Variants in ABTB3 observed in about 807,000 individuals in gnomAD.
ABTB3 encodes the protein ankyrin repeat and BTB domain containing 3.
chr12:107,364,118 C>T, the ABTB3 span, among the ~76,000 whole-genome samples: 4 of 152,190 alleles, frequency 2.6e-5, no homozygotes, highest in East Asian at 7.7e-4. Flanking sequence ...ATGCAGATTC[C>T]TTTGAAGGGC....
chr12:107,636,577 A>G, the ABTB3 span, among the ~76,000 whole-genome samples: 1 of 152,224 alleles, frequency 6.6e-6, no homozygotes, highest in African/African-American at 2.4e-5. Context: ...ATCTTGAATA[A>G]CTTGTTAATT....
chr12:107,620,296 G>A, the ABTB3 span: 1 of 1,227,200 alleles, frequency 8.1e-7, no homozygotes, highest in Non-Finnish European at 1.1e-6. Context: ...AGTGGCGAAT[G>A]TAGCCCAGCA....
the ABTB3 span, among the ~76,000 whole-genome samples, chr12:107,548,420 C>G: frequency 6.6e-6 from 1 of 152,222 alleles, no homozygotes; most frequent in African/African-American, 2.4e-5. Context: ...CTTGTCAGAA[C>G]AGCCTTTCTT....
At chr12:107,451,472 G>C in the ABTB3 span, among the ~76,000 whole-genome samples, 3 of 152,158 alleles carry the variant, frequency 2.0e-5, no homozygotes, top group African/African-American at 7.2e-5. Flanking sequence ...ATCTTCACCT[G>C]GTCCCCTCTA....
At chr12:107,643,665 C>T in the ABTB3 span, among the ~76,000 whole-genome samples, 2 of 150,718 alleles carry the variant, frequency 1.3e-5, no homozygotes, top group African/African-American at 4.9e-5. Flanking sequence ...CGTGGCTTTG[C>T]TTTGGAGGGT....
chr12:107,412,116 T>TG, the ABTB3 span, among the ~76,000 whole-genome samples: 1 of 152,250 alleles, frequency 6.6e-6, no homozygotes, highest in Non-Finnish European at 1.5e-5. Context: ...GGTGGCCCTC[T>TG]ATTACTCTGC....
chr12:107,538,357 T>C, the ABTB3 span, among the ~76,000 whole-genome samples: 1 of 152,190 alleles, frequency 6.6e-6, no homozygotes, highest in African/African-American at 2.4e-5. Flanking sequence ...ACCAGCCCCA[T>C]TGGGTCATGT....
At chr12:107,600,069 G>C in the ABTB3 span, among the ~76,000 whole-genome samples, 128 of 152,318 alleles carry the variant, frequency 8.4e-4, 1 homozygote, top group Non-Finnish European at 1.8e-4. Context: ...AAGGAGCTGA[G>C]TGACTGTAGG....
the ABTB3 span, among the ~76,000 whole-genome samples, chr12:107,469,413 A>G: frequency 2.2e-4 from 33 of 152,334 alleles, no homozygotes; most frequent in African/African-American, 7.9e-4. Flanking sequence ...GACCTTGGAC[A>G]AGCTGTCCAG....
At chr12:107,600,288 T>C in the ABTB3 span, among the ~76,000 whole-genome samples, 820 of 152,342 alleles carry the variant, frequency 5.4e-3, 4 homozygotes, top group African/African-American at 0.019. Context: ...ATTTTTCTTC[T>C]GTAAAATGAG....
At chr12:107,462,976 GTGA>G in the ABTB3 span, among the ~76,000 whole-genome samples, 1 of 151,462 alleles carries the variant, frequency 6.6e-6, no homozygotes, top group East Asian at 2.0e-4. Context: ...AGTGGTGATA[GTGA>G]TGATGGTGAT....
At chr12:107,598,611 A>G in the ABTB3 span, among the ~76,000 whole-genome samples, 1 of 152,364 alleles carries the variant, frequency 6.6e-6, no homozygotes, top group African/African-American at 2.4e-5. Context: ...AAATGTTCGC[A>G]TGAAATAAGA....
chr12:107,511,555 A>G, the ABTB3 span, among the ~76,000 whole-genome samples: 1 of 151,852 alleles, frequency 6.6e-6, no homozygotes, highest in East Asian at 1.9e-4. Context: ...CATGCTAGCC[A>G]GGCTTCTTCT....
the ABTB3 span, among the ~76,000 whole-genome samples, chr12:107,449,078 T>G: frequency 1.3e-5 from 2 of 152,224 alleles, no homozygotes; most frequent in Non-Finnish European, 2.9e-5. Context: ...ATGTGGCCAC[T>G]TGTTAATCGT....
chr12:107,655,474 G>A, the ABTB3 span, among the ~76,000 whole-genome samples: 160 of 152,252 alleles, frequency 1.1e-3, 1 homozygote, highest in African/African-American at 3.7e-3. Flanking sequence ...GCTGCAGCCC[G>A]CTAATGGTCA....
chr12:107,612,715 T>C, the ABTB3 span: 6 of 1,413,252 alleles, frequency 4.2e-6, no homozygotes, highest in Non-Finnish European at 5.9e-6. Context: ...CTCCATTTGT[T>C]ATTGTCGATT....
the ABTB3 span, among the ~76,000 whole-genome samples, chr12:107,434,787 T>C: frequency 2.6e-5 from 4 of 151,514 alleles, no homozygotes; most frequent in Non-Finnish European, 5.9e-5. Context: ...TCGCTTGAGC[T>C]CAGGAAGTGG....
the ABTB3 span, among the ~76,000 whole-genome samples, chr12:107,481,883 G>GTCTCTCTCTC: frequency 0.056 from 6,037 of 108,060 alleles, 327 homozygotes; most frequent in Admixed American, 0.069. Context: ...GAAATCAAGA[G>GTCTCTCTCTC]TCTCTCTCTC....
chr12:107,497,420 T>C, the ABTB3 span, among the ~76,000 whole-genome samples: 1 of 150,178 alleles, frequency 6.7e-6, no homozygotes, highest in East Asian at 2.0e-4. Flanking sequence ...ACCATCACCA[T>C]TATCAACATT....
Sources: gnomAD v4.1 joint callset for allele counts (sites outside exome capture counted in the v4.1 genomes callset) on GRCh38, gnomAD v4.1.1 for gene constraint, MANE v1.5 for transcripts, NCBI Gene and HGNC (gene_info 2026-07-23, HGNC 2026-07-21) for gene names.